MBNL2: variants seen among roughly 807,000 people sequenced by gnomAD.
MBNL2 encodes muscleblind like splicing regulator 2.
Under a neutral mutation model 41.9 loss-of-function variants are expected in MBNL2, and 17 were observed. The ratio of observed to expected loss-of-function variants is 0.41; its 90% CI spans 0.28 to 0.61. The LOEUF (loss-of-function observed/expected upper bound fraction) is 0.61, where lower values mean the gene tolerates loss of function less well. Ranked by LOEUF, MBNL2 falls within the 20% of genes least tolerant of loss-of-function variation. MBNL2 has a pLI of 0.35. For missense variants in MBNL2, 336 were observed against 505.6 expected, an observed-to-expected ratio of 0.66 and a Z score of 3.22; for synonymous variants, 195 against 182.9, an observed-to-expected ratio of 1.07 and a Z score of -0.53.
At chr13:97,228,397 A>T (rs2041943520) in intron 1 of MBNL2, among the ~76,000 whole-genome samples, 1 of 152,136 alleles carries the variant, frequency 6.6e-6, no homozygotes, top group African/African-American at 2.4e-5. Flanking sequence ...GAGGTAGGAG[A>T]TTAATTATTT....
the MBNL2 span, among the ~76,000 whole-genome samples, chr13:97,196,179 T>C: frequency 2.0e-5 from 3 of 152,122 alleles, no homozygotes; most frequent in African/African-American, 7.2e-5. Flanking sequence ...GGCTGAGAAA[T>C]TACTGTTGAG....
chr13:97,276,476 T>G (rs2052152274), intron 2 of MBNL2, 67 bp downstream of exon 2: 11 of 1,429,332 alleles, frequency 7.7e-6, no homozygotes, highest in Non-Finnish European at 1.1e-5. Context: ...GGCTTTTCAT[T>G]GCATTTTTAC....
the MBNL2 span, among the ~76,000 whole-genome samples, chr13:97,148,171 C>T: frequency 1.3e-5 from 2 of 152,168 alleles, no homozygotes; most frequent in Non-Finnish European, 2.9e-5. Context: ...TTCACAATGT[C>T]CAGTTGAGAC....
At chr13:97,218,212 C>A (rs1335845072), upstream of MBNL2, among the ~76,000 whole-genome samples, 1 of 151,846 alleles carries the variant, frequency 6.6e-6, no homozygotes, top group Non-Finnish European at 1.5e-5. Context: ...AGATTGAGAC[C>A]ATCCTGGATA....
chr13:97,312,031 GT>G (rs1172797194), intron 2 of MBNL2, among the ~76,000 whole-genome samples: 1 of 152,138 alleles, frequency 6.6e-6, no homozygotes, highest in East Asian at 1.9e-4. Flanking sequence ...CTAGCTCTTA[GT>G]GTTGAGTTCA....
At chr13:97,186,547 A>G in the MBNL2 span, among the ~76,000 whole-genome samples, 9 of 152,350 alleles carry the variant, frequency 5.9e-5, no homozygotes, top group East Asian at 1.7e-3. Flanking sequence ...AAAGTTATAC[A>G]TTATATATTC....
chr13:97,175,131 C>A, the MBNL2 span, among the ~76,000 whole-genome samples: 5 of 152,184 alleles, frequency 3.3e-5, no homozygotes, highest in Non-Finnish European at 5.9e-5. Context: ...TTCCAACAGG[C>A]AACCTTTGGG....
chr13:97,387,574 C>T (rs576666446), intron 8 of MBNL2, among the ~76,000 whole-genome samples: 58 of 152,322 alleles, frequency 3.8e-4, no homozygotes, highest in Non-Finnish European at 2.9e-4. Context: ...AAGCAGGCTC[C>T]ATGAGGCACA....
At chr13:97,319,847 CTATTAAAT>C (rs2059356654) in intron 2 of MBNL2, among the ~76,000 whole-genome samples, 1 of 152,138 alleles carries the variant, frequency 6.6e-6, no homozygotes, top group Non-Finnish European at 1.5e-5. Context: ...TAAATCTCTT[CTATTAAAT>C]CTTCCGTGGG....
rs772486790 is a variant in MBNL2 at position 97,347,100 on chromosome 13, G to A, written c.804+33G>A. 33 of 1,481,494 alleles carry A rather than the reference G, an allele frequency of 2.2e-5. No homozygotes were observed. In the Admixed American group the frequency reaches 3.2e-4, roughly 14 times the overall value. The allele number at this position is 1,481,494 out of a possible 1,614,324, so 91.8% of individuals were successfully genotyped here. A position where few individuals can be genotyped will look rare whatever the true frequency, so the allele number is the denominator to read the frequency against. On this transcript the variant is annotated intron_variant, in intron 5 of 8. Coordinates refer to ENST00000679496, the MANE Select transcript of MBNL2 (RefSeq NM_001382683.1). ...CGGCCGCCCGCCGCCCCTGCACCCC[G>A]GCGCCTCTGCGGAGGCCGCTCCGGG...
chr13:97,303,948 C>A (rs2057882974), intron 2 of MBNL2, among the ~76,000 whole-genome samples: 1 of 152,172 alleles, frequency 6.6e-6, no homozygotes. Flanking sequence ...TGGATATACA[C>A]CGACTCTTTT....
rs545051588 is a variant in MBNL2, at chr13:97,382,271, T to C, written c.1049-9051T>C. Among the ~76,000 whole-genome samples the C allele has an allele frequency of 3.0e-4, 45 of 152,380 alleles. No individual in the cohort carries two copies. In the Middle Eastern group the frequency reaches 0.014, roughly 46 times the overall value. ...TGGTGGTTAGATCTCTGGGCTGGCC[T>C]ACAACCATTTTATTTAGTTTGTGGC... On this transcript the variant is annotated intron_variant, in intron 8 of 8. Transcript: ENST00000679496.
intron 1 of MBNL2, among the ~76,000 whole-genome samples, chr13:97,263,382 T>C (rs1277234575): frequency 6.6e-6 from 1 of 152,218 alleles, no homozygotes; most frequent in Middle Eastern, 3.2e-3. Flanking sequence ...ATACTAACTA[T>C]GCTGATGTGT....
intron 1 of MBNL2, among the ~76,000 whole-genome samples, chr13:97,232,571 G>A (rs970865667): frequency 6.6e-6 from 1 of 152,138 alleles, no homozygotes; most frequent in Non-Finnish European, 1.5e-5. Flanking sequence ...ATGGTAGGAT[G>A]GAAACATGCA....
At chr13:97,389,117 A>C (rs1217457572) in intron 8 of MBNL2, among the ~76,000 whole-genome samples, 1 of 152,206 alleles carries the variant, frequency 6.6e-6, no homozygotes, top group Admixed American at 6.5e-5. Flanking sequence ...ACTGGGGCAG[A>C]GGGGAAGTGC....
rs2052109673 is a variant in MBNL2, at chr13:97,276,277, G to A, written c.42G>A (p.Leu14=). The A allele has an allele frequency of 1.9e-6, 3 of 1,613,910 alleles. No individual in the cohort carries two copies. The highest frequency in any genetic ancestry group is 3.3e-5 in the Admixed American group (2 of 60,008). ...NVAPVRDTKW[L]TLEVCRQFQR... is the part of the protein sequence containing the mutation. ...CCCCAGTCAGAGATACAAAATGGCT[G>A]ACATTAGAAGTCTGCAGACAGTTTC... The change falls in exon 2 of 9, where the codon CTG becomes CTA. Residue 14 remains leucine (L), a synonymous_variant. Coordinates refer to ENST00000679496, the MANE Select transcript of MBNL2 (RefSeq NM_001382683.1).
At chr13:97,278,651 A>T (rs903237915) in intron 2 of MBNL2, among the ~76,000 whole-genome samples, 2 of 152,206 alleles carry the variant, frequency 1.3e-5, no homozygotes, top group Non-Finnish European at 2.9e-5. Flanking sequence ...AAGTTGTGAG[A>T]ATGTTGAACA....
rs78443467 is a variant in MBNL2 at position 97,345,956 on chromosome 13, G to T, written c.541-848G>T. Among the ~76,000 whole-genome samples the T allele has an allele frequency of 4.1e-3, 626 of 152,214 alleles. 5 individuals are homozygous for T. Among genetic ancestry groups the T allele is most frequent in the African/African-American group, 0.015 (607 of 41,526 alleles). On this transcript the variant is annotated intron_variant, in intron 4 of 8. Transcript: ENST00000679496. Reference sequence around the variant, plus strand: ...ATAGAGAGAGGTAGATAGATTATAGGTGATTGACAGATTAAATAGATAGAT... The same window carrying T: ...ATAGAGAGAGGTAGATAGATTATAGTTGATTGACAGATTAAATAGATAGAT...
chr13:97,263,296 A>T (rs549116180), intron 1 of MBNL2, among the ~76,000 whole-genome samples: 56 of 152,238 alleles, frequency 3.7e-4, no homozygotes, highest in African/African-American at 1.3e-3. Flanking sequence ...AATGTATCCT[A>T]GGTGGTGCTT....
Sources: gnomAD v4.1 joint callset for allele counts (sites outside exome capture counted in the v4.1 genomes callset) on GRCh38, gnomAD v4.1.1 for gene constraint, MANE v1.5 for transcripts, NCBI Gene and HGNC (gene_info 2026-07-23, HGNC 2026-07-21) for gene names.